Variants in ADAMTS6 observed in about 807,000 individuals in gnomAD.
The protein encoded by ADAMTS6 is ADAM metallopeptidase with thrombospondin type 1 motif 6.
In ADAMTS6, 23 loss-of-function variants were observed where a neutral mutation model predicts 144.3. The observed-to-expected ratio is 0.16, with a 90% CI of 0.11 to 0.23. The LOEUF (loss-of-function observed/expected upper bound fraction) is 0.23, where lower values mean the gene tolerates loss of function less well. ADAMTS6 is among the 10% of genes least tolerant of loss of function. The probability of loss-of-function intolerance (pLI) is 1.00; values close to 1 mark genes in which losing one functional copy is unlikely to be tolerated. For synonymous variants in ADAMTS6, 444 were observed against 457.5 expected (o/e 0.97, Z 0.38); for missense variants, 999 against 1,379.6 (o/e 0.72, Z 4.37).
At chr5:65,361,826 C>T (rs1277599568) in intron 7 of ADAMTS6, among the ~76,000 whole-genome samples, 1 of 151,976 alleles carries the variant, frequency 6.6e-6, no homozygotes, top group Non-Finnish European at 1.5e-5. Flanking sequence ...CTTGACCTCA[C>T]AGGCTCAGGC....
At chr5:65,226,609 G>A (rs1470357304) in intron 15 of ADAMTS6, among the ~76,000 whole-genome samples, 1 of 150,912 alleles carries the variant, frequency 6.6e-6, no homozygotes, top group Non-Finnish European at 1.5e-5. Context: ...TTTTTGAGAT[G>A]GAGTCTTGCT....
rs191970096 is a variant in ADAMTS6, at chr5:65,305,741, C to G, written c.1224-5610G>C. 1.9e-3 allele frequency among the ~76,000 whole-genome samples: 284 copies of G among 152,068 alleles called. 1 individual carries two copies. The highest frequency in any genetic ancestry group is 6.6e-3 in the African/African-American group (274 of 41,452). ...GGTTTTAGGAACACGAACACAGAGA[C>G]AGAGAAAAAGTCAGAGGGACACACA... On this transcript the variant is annotated intron_variant, in intron 9 of 24. Coordinates refer to ENST00000381055, the MANE Select transcript of ADAMTS6 (RefSeq NM_197941.4).
At chr5:65,364,420 A>G (rs1014604959) in intron 7 of ADAMTS6, among the ~76,000 whole-genome samples, 1 of 152,130 alleles carries the variant, frequency 6.6e-6, no homozygotes, top group Non-Finnish European at 1.5e-5. Context: ...CATGTTGCAC[A>G]ACACCAGAGG....
intron 14 of ADAMTS6, among the ~76,000 whole-genome samples, chr5:65,246,764 C>T (rs570369767): frequency 6.3e-4 from 96 of 152,094 alleles, no homozygotes; most frequent in Non-Finnish European, 1.1e-3. Context: ...CTTGATTCCA[C>T]GCCATTGTTT....
intron 7 of ADAMTS6, among the ~76,000 whole-genome samples, chr5:65,407,584 C>T (rs1348203995): frequency 3.4e-5 from 5 of 146,174 alleles, no homozygotes; most frequent in South Asian, 2.2e-4. Flanking sequence ...TGAGAACATG[C>T]GGTGTTTGGT....
At chr5:65,166,162 G>T (rs1487235348) in intron 24 of ADAMTS6, among the ~76,000 whole-genome samples, 2 of 142,352 alleles carry the variant, frequency 1.4e-5, no homozygotes, top group Non-Finnish European at 3.1e-5. Context: ...ACACACATAG[G>T]CTCAAAATAA....
intron 7 of ADAMTS6, among the ~76,000 whole-genome samples, chr5:65,406,167 G>C (rs1038106157): frequency 3.3e-5 from 5 of 152,272 alleles, no homozygotes; most frequent in Admixed American, 6.5e-5. Flanking sequence ...GCCCTGGCCA[G>C]AGCTTCCAAC....
In ADAMTS6 at chr5:65,313,128, AACACACACACACAC is replaced by A. The variant is rs61525269; in HGVS notation, c.1224-13011_1224-12998del. ...ATTTCAGTAGTTTTATTATTTCTGC[AACACACACACACAC>A]ACACACACACACACACACACACACA... On this transcript the variant is annotated intron_variant, in intron 9 of 24. Transcript: ENST00000381055. Among the ~76,000 whole-genome samples the A allele has an allele frequency of 7.6e-3, 1,028 of 135,844 alleles. 14 individuals are homozygous for A. Among genetic ancestry groups the A allele is most frequent in the African/African-American group, 0.025 (936 of 38,162 alleles). The allele number at this position is 135,844 out of a possible 152,430, so 89.1% of individuals were successfully genotyped here. A position where few individuals can be genotyped will look rare whatever the true frequency, so the allele number is the denominator to read the frequency against.
intron 24 of ADAMTS6, among the ~76,000 whole-genome samples, chr5:65,156,151 T>TAGAGAGCAA (rs1752403628): frequency 6.6e-6 from 1 of 152,172 alleles, no homozygotes; most frequent in Non-Finnish European, 1.5e-5. Context: ...AGAGGACTGA[T>TAGAGAGCAA]TTGCTGTGCT....
At chr5:65,302,107 A>AAAAAT (rs1385159906) in intron 9 of ADAMTS6, among the ~76,000 whole-genome samples, 9 of 34,084 alleles carry the variant, frequency 2.6e-4, no homozygotes, top group African/African-American at 4.4e-4. Context: ...AAAAAAAAAA[A>AAAAAT]ATATATATAT....
chr5:65,411,272 C>T (rs1470278311), intron 7 of ADAMTS6, among the ~76,000 whole-genome samples: 3 of 152,168 alleles, frequency 2.0e-5, no homozygotes, highest in Non-Finnish European at 4.4e-5. Flanking sequence ...ATCTCTTCAA[C>T]ATACTGATTT....
intron 9 of ADAMTS6, among the ~76,000 whole-genome samples, chr5:65,327,509 T>C (rs187886712): frequency 3.2e-4 from 49 of 152,122 alleles, no homozygotes; most frequent in Non-Finnish European, 5.1e-4. Flanking sequence ...TGGAATTTTT[T>C]CCCCATTTTT....
At chr5:65,422,332 G>T (rs2150201225) in intron 7 of ADAMTS6, among the ~76,000 whole-genome samples, 1 of 152,306 alleles carries the variant, frequency 6.6e-6, no homozygotes, top group Non-Finnish European at 1.5e-5. Context: ...GTGTGGGTGT[G>T]ATGAAAAGGG....
At chr5:65,353,393 C>T (rs1395810443) in intron 7 of ADAMTS6, among the ~76,000 whole-genome samples, 1 of 152,000 alleles carries the variant, frequency 6.6e-6, no homozygotes, top group African/African-American at 2.4e-5. Flanking sequence ...GGGATTCAAA[C>T]TCAGTAATTT....
At chr5:65,227,829 T>C (rs577091620) in intron 15 of ADAMTS6, among the ~76,000 whole-genome samples, 1 of 152,304 alleles carries the variant, frequency 6.6e-6, no homozygotes, top group East Asian at 1.9e-4. Flanking sequence ...AATGTAACAA[T>C]TGATTCAAAG....
Position 65,470,883 on chromosome 5 carries a change from A to G in ADAMTS6, c.357T>C (p.Asp119=). Residue 119 remains aspartate, a synonymous_variant, in exon 3 of 25, where the codon GAT becomes GAC. Coordinates refer to ENST00000381055, the MANE Select transcript of ADAMTS6 (RefSeq NM_197941.4). ...KHFTVEYWGK[D]GPQWKHDFLD... is the part of the protein sequence containing the mutation. ...AAAAATCATGTTTCCACTGGGGTCCATCTTTCCCCCAATATTCTACTGTAA... is the reference window on the plus strand; with the variant it reads ...AAAAATCATGTTTCCACTGGGGTCCGTCTTTCCCCCAATATTCTACTGTAA... The G allele has an allele frequency of 6.2e-7, 1 of 1,611,016 alleles. No individual in the cohort carries two copies. Among genetic ancestry groups the G allele is most frequent in the African/African-American group, 1.3e-5 (1 of 74,772 alleles).
chr5:65,313,038 A>AT (rs2112849139), intron 9 of ADAMTS6, among the ~76,000 whole-genome samples: 1 of 151,742 alleles, frequency 6.6e-6, no homozygotes, highest in East Asian at 1.9e-4. Flanking sequence ...TAACTTCTTT[A>AT]TTTTTCCAGC....
chr5:65,221,270 C>A (rs1373284735), intron 18 of ADAMTS6, among the ~76,000 whole-genome samples: 1 of 152,060 alleles, frequency 6.6e-6, no homozygotes, highest in East Asian at 1.9e-4. Flanking sequence ...TCAATTCCAG[C>A]AATATATAAG....
At chr5:65,270,296 T>C (rs889809217) in intron 12 of ADAMTS6, among the ~76,000 whole-genome samples, 7 of 152,200 alleles carry the variant, frequency 4.6e-5, no homozygotes, top group African/African-American at 9.6e-5. Flanking sequence ...CCAAATATTA[T>C]AGCCCTAAGG....
Sources: allele counts gnomAD v4.1 joint callset (sites outside exome capture counted in the v4.1 genomes callset), GRCh38; gene constraint gnomAD v4.1.1; transcripts MANE v1.5; gene names NCBI Gene and HGNC (gene_info 2026-07-23, HGNC 2026-07-21).